The following DVL1 variants were observed in gnomAD, a reference collection of about 807,000 sequenced individuals.
DVL1 encodes the protein dishevelled segment polarity protein 1, also known as segment polarity protein dishevelled homolog DVL-1.
In DVL1, 49 loss-of-function variants were observed where a neutral mutation model predicts 65.0. The observed-to-expected ratio is 0.75, with a 90% confidence interval of 0.60 to 0.96. The LOEUF is 0.96. Among genes scored for constraint, DVL1 ranks in the 40% least tolerant of loss-of-function variants. The pLI, the probability that DVL1 is intolerant of heterozygous loss-of-function variation, is 0.00. For synonymous variants in DVL1, 608 were observed against 433.9 expected (o/e 1.40, Z -4.99); for missense variants, 1,197 against 1,045.4 (o/e 1.15, Z -2.00).
At chr1:1,341,569 T>A (rs544902877) in intron 5 of DVL1, 98 bp downstream of exon 5, 2 of 1,432,948 alleles carry the variant, frequency 1.4e-6, no homozygotes, top group African/African-American at 2.9e-5. Context: ...CGCACACACG[T>A]GCAATGTGAA....
At position 1,336,128 on chromosome 1, in the gene DVL1, G is replaced by A; in HGVS notation, c.*14C>T. Reference sequence around the variant, plus strand: ...GCTCCCCACCTCAGGCAGGGCTGGGGCATGCGCCACGAGTCACATGATGTC... The same window carrying A: ...GCTCCCCACCTCAGGCAGGGCTGGGACATGCGCCACGAGTCACATGATGTC... On this transcript the variant is annotated 3_prime_UTR_variant, in exon 15 of 15. Transcript: ENST00000378888. The A allele has an allele frequency of 1.3e-6, 2 of 1,570,696 alleles. No homozygotes were observed. The highest frequency in any genetic ancestry group is 1.1e-5 in the South Asian group (1 of 87,200).
chr1:1,337,737 C>G (rs1235340509), intron 14 of DVL1: 4 of 694,922 alleles, frequency 5.8e-6, no homozygotes, highest in Non-Finnish European at 7.9e-6. Context: ...CCCATTCACA[C>G]TGGCTCCTGG....
chr1:1,340,833 GCA>G (rs1643780125), intron 5 of DVL1, among the ~76,000 whole-genome samples: 1 of 124,566 alleles, frequency 8.0e-6, no homozygotes. Flanking sequence ...ACACACACCT[GCA>G]CACACGCAAC....
intron 1 of DVL1, among the ~76,000 whole-genome samples, chr1:1,347,166 G>C (rs549099345): frequency 6.6e-6 from 1 of 152,008 alleles, no homozygotes; most frequent in African/African-American, 2.4e-5. Context: ...CATCACCCCA[G>C]TCCATTCTTT....
Position 1,335,935 on chromosome 1 carries a change from A to G in DVL1, c.*207T>C, listed in dbSNP as rs1406835815. 1.1e-5 allele frequency: 7 copies of G among 648,548 alleles called. No individual in the cohort carries two copies. Among genetic ancestry groups the G allele is most frequent in the Non-Finnish European group, 1.8e-5 (7 of 383,334 alleles). The allele number at this position is 648,548 out of a possible 1,614,324, so 40.2% of individuals were successfully genotyped here. A position where few individuals can be genotyped will look rare whatever the true frequency, so the allele number is the denominator to read the frequency against. On this transcript the variant is annotated 3_prime_UTR_variant, in exon 15 of 15. Coordinates refer to ENST00000378888, the MANE Select transcript of DVL1 (RefSeq NM_001330311.2). ...GTCCGAGGCTCTCGCTGAGGGGCAG[A>G]GAGGGAGCGCCCCCAACACGGCTGC...
At chr1:1,342,284 C>A in intron 3 of DVL1, 79 bp downstream of exon 3, 2 of 1,501,178 alleles carry the variant, frequency 1.3e-6, no homozygotes, top group Non-Finnish European at 1.8e-6. Flanking sequence ...CTGGCCCAGG[C>A]AGGCCTCCCT....
In DVL1 at chr1:1,343,212, C is replaced by A. The variant is rs193249223; in HGVS notation, c.171-454G>T. The stretch of plus-strand genomic sequence containing the variant: ...GGTTCATGTATGTGGTGGCCCCAGA[C>A]GCTGTCTCCAACCACCCCCACCTCA... On this transcript the variant is annotated intron_variant, in intron 1 of 14. Coordinates refer to ENST00000378888, the MANE Select transcript of DVL1 (RefSeq NM_001330311.2). 1.9e-3 allele frequency among the ~76,000 whole-genome samples: 288 copies of A among 152,026 alleles called. 2 individuals carry two copies. The highest frequency in any genetic ancestry group is 3.4e-3 in the Middle Eastern group (1 of 294).
chr1:1,338,792 C>G (rs886638127), intron 11 of DVL1, 139 bp from the exon 12 acceptor site: 4 of 1,362,218 alleles, frequency 2.9e-6, no homozygotes, highest in Admixed American at 5.5e-5. Context: ...GGGCCCCGGC[C>G]CACTGCAGGA....
chr1:1,336,083 T>C lies in DVL1; in HGVS notation c.*59A>G, dbSNP rs1313707640. The C allele has an allele frequency of 2.6e-6, 4 of 1,540,628 alleles. No individual in the cohort carries two copies. Among genetic ancestry groups the C allele is most frequent in the African/African-American group, 1.4e-5 (1 of 73,564 alleles). The stretch of plus-strand genomic sequence containing the variant: ...CACGAAGGCAAGCCCACGCGAGCTC[T>C]GCATGCGGCAGGACCGCCAGCTCCC... On this transcript the variant is annotated 3_prime_UTR_variant, in exon 15 of 15. Coordinates refer to ENST00000378888, the MANE Select transcript of DVL1 (RefSeq NM_001330311.2).
chr1:1,342,232 C>T (rs772171856), intron 3 of DVL1, 76 bp from the exon 4 acceptor site: 215 of 1,502,018 alleles, frequency 1.4e-4, no homozygotes, highest in Middle Eastern at 2.1e-4. Flanking sequence ...AGCCTCCCCT[C>T]GCCTGTGGGA....
chr1:1,338,256 A>G lies in DVL1; in HGVS notation c.1507+13T>C. 1 of 698,678 alleles carries G rather than the reference A, an allele frequency of 1.4e-6. No individual in the cohort carries two copies. The highest frequency in any genetic ancestry group is 2.4e-6 in the Non-Finnish European group (1 of 418,740). The allele number at this position is 698,678 out of a possible 1,614,324, so 43.3% of individuals were successfully genotyped here. ...CCCTCCCCCCCGCCCTGAAGCCCGA[A>G]GCCCCCACTCACTGCTGCAGAGATC... On this transcript the variant is annotated intron_variant, in intron 13 of 14. Coordinates refer to ENST00000378888, the MANE Select transcript of DVL1 (RefSeq NM_001330311.2).
At chr1:1,341,943 C>A in intron 4 of DVL1, 110 bp downstream of exon 4, 11 of 1,453,388 alleles carry the variant, frequency 7.6e-6, no homozygotes, top group Non-Finnish European at 1.0e-5. Flanking sequence ...TGTGCCTCCA[C>A]CCAAGCACCG....
chr1:1,337,147 C>T lies in DVL1; in HGVS notation c.1715-632G>A, dbSNP rs371673046. On this transcript the variant is annotated intron_variant, in intron 14 of 14. Transcript: ENST00000378888. Reference sequence around the variant, plus strand: ...CCACCCGCCACCAGTGGGGACTGACCGCGGGCTGGGCGGGGCTGAAGTGGG... The same window carrying T: ...CCACCCGCCACCAGTGGGGACTGACTGCGGGCTGGGCGGGGCTGAAGTGGG... 8.2e-6 allele frequency: 8 copies of T among 977,484 alleles called. No homozygotes were observed. The Admixed American group carries it at 2.9e-4, about 36-fold the overall frequency. The allele number at this position is 977,484 out of a possible 1,614,324, so 60.6% of individuals were successfully genotyped here.
rs763700025 is a variant in DVL1, at chr1:1,348,978, G to A, written c.88C>T (p.Leu30=). 3.2e-6 allele frequency: 5 copies of A among 1,577,272 alleles called. No homozygotes were observed. The highest frequency in any genetic ancestry group is 2.8e-5 in the African/African-American group (2 of 72,232). ...CTGAGCACGTTCTTGAAGTCGGCCA[G>A]CGTGACGCGCTCGGGGGCCACGGGC... ...KLPVAPERVT[L]ADFKNVLSNR... The change falls in exon 1 of 15, where the codon CTG becomes TTG. Residue 30 remains leucine (L), a synonymous_variant. Transcript: ENST00000378888.
Position 1,340,582 on chromosome 1 carries a change from G to A in DVL1, c.606-79C>T, listed in dbSNP as rs1302322154. On this transcript the variant is annotated intron_variant, in intron 5 of 14. Coordinates refer to ENST00000378888, the MANE Select transcript of DVL1 (RefSeq NM_001330311.2). ...GGAACCCGCTCCCCCAATACTGAGTGGGAATCGGGGGTCTAGGCCAGGCTT... is the reference window on the plus strand; with the variant it reads ...GGAACCCGCTCCCCCAATACTGAGTAGGAATCGGGGGTCTAGGCCAGGCTT... 2.1e-6 allele frequency: 3 copies of A among 1,442,568 alleles called. No individual in the cohort carries two copies. In the Admixed American group the frequency reaches 6.0e-5, roughly 29 times the overall value. The allele number at this position is 1,442,568 out of a possible 1,614,324, so 89.4% of individuals were successfully genotyped here. A position where few individuals can be genotyped will look rare whatever the true frequency, so the allele number is the denominator to read the frequency against.
Position 1,340,193 on chromosome 1 carries a change from T to A in DVL1, c.770-16A>T. 6.2e-7 allele frequency: 1 copy of A among 1,613,620 alleles called. No individual in the cohort carries two copies. Among genetic ancestry groups the A allele is most frequent in the Non-Finnish European group, 8.5e-7 (1 of 1,179,944 alleles). ...TGATGTCTTTCTGCAGGAAGAGCCA[T>A]GAGCCGCGGCCAAGCCCCTGCCCCT... On this transcript the variant is annotated splice_polypyrimidine_tract_variant and intron_variant, in intron 7 of 14. Transcript: ENST00000378888.
At chr1:1,346,084 G>C (rs990725178) in intron 1 of DVL1, among the ~76,000 whole-genome samples, 1 of 152,166 alleles carries the variant, frequency 6.6e-6, no homozygotes, top group African/African-American at 2.4e-5. Context: ...TCAGGGCACA[G>C]AGAGGCTGAG....
rs1161930419 is a variant in DVL1 at position 1,342,066 on chromosome 1, C to T, written c.453G>A (p.Arg151=). 3.2e-6 allele frequency: 5 copies of T among 1,582,250 alleles called. No individual in the cohort carries two copies. Among genetic ancestry groups the T allele is most frequent in the Non-Finnish European group, 4.3e-6 (5 of 1,164,658 alleles). The change falls in exon 4 of 15, where the codon CGG becomes CGA. Residue 151 remains arginine (R), a synonymous_variant. Coordinates refer to ENST00000378888, the MANE Select transcript of DVL1 (RefSeq NM_001330311.2). ...TGACCACTGTACCCTCCTCGCGGTT[C>T]CGGCGTCGGGCACGCTCCCGCCGGT... ...VSHRRERARR[R]NREEAARTNG...
At position 1,336,309 on chromosome 1, in the gene DVL1, G is replaced by C; in HGVS notation, c.1921C>G (p.Leu641Val). The C allele has an allele frequency of 6.4e-7, 1 of 1,563,856 alleles. No individual in the cohort carries two copies. The highest frequency in any genetic ancestry group is 1.1e-5 in the South Asian group (1 of 87,110). Residue 641 changes from leucine to valine, a missense_variant, in exon 15 of 15, where the codon CTC becomes GTC. Transcript: ENST00000378888. ...TTGGTCGTGGGGTGGGGCGGGGGGAGCCCCGGGGCGGTAGCCGAGGCCTGA... is the reference window on the plus strand; with the variant it reads ...TTGGTCGTGGGGTGGGGCGGGGGGACCCCCGGGGCGGTAGCCGAGGCCTGA... ...RSQASATAPGLPPPHPTTKAY... is the reference protein window; with the variant it reads ...RSQASATAPGVPPPHPTTKAY...
Sources: gnomAD v4.1 joint callset for allele counts (sites outside exome capture counted in the v4.1 genomes callset) on GRCh38, gnomAD v4.1.1 for gene constraint, MANE v1.5 for transcripts, NCBI Gene and HGNC (gene_info 2026-07-23, HGNC 2026-07-21) for gene names.